FUT8: variants seen among roughly 807,000 people sequenced by gnomAD.
FUT8 encodes the protein alpha-(1,6)-fucosyltransferase.
A neutral mutation model predicts 71.3 loss-of-function variants in FUT8; 29 were observed. The ratio of observed to expected loss-of-function variants is 0.41; its 90% CI spans 0.30 to 0.55. FUT8 has a LOEUF of 0.55. Ranked by LOEUF, FUT8 falls within the 20% of genes least tolerant of loss-of-function variation. FUT8 has a pLI of 0.34. For missense variants in FUT8, 544 were observed against 702.1 expected (o/e 0.77, Z 2.55); for synonymous variants, 254 against 239.3 (o/e 1.06, Z -0.57).
rs1187235038 is a variant in FUT8, at chr14:65,489,080, T to A, written c.-228+33362T>A. On this transcript the variant is annotated intron_variant, in intron 2 of 10. Coordinates refer to ENST00000673929, the MANE Select transcript of FUT8 (RefSeq NM_001371533.1). This position sits in a 1 kb window ranked among gnomAD's most constrained non-coding sequence, Gnocchi z 4.0. ...AATATTTTAGTATTGTCATGTAGTA[T>A]TAAGTATTTTTCCATCAATGATTAG... Among the ~76,000 whole-genome samples the A allele has an allele frequency of 6.6e-6, 1 of 152,218 alleles. No individual in the cohort carries two copies. The highest frequency in any genetic ancestry group is 1.5e-5 in the Non-Finnish European group (1 of 68,030).
chr14:65,641,224 T>C (rs541320489), intron 6 of FUT8, among the ~76,000 whole-genome samples: 1 of 152,342 alleles, frequency 6.6e-6, no homozygotes, highest in Admixed American at 6.5e-5. Flanking sequence ...TCTATCATTA[T>C]AGATGAGTTT....
chr14:65,670,344 G>C (rs997086962), intron 7 of FUT8, among the ~76,000 whole-genome samples: 1 of 152,058 alleles, frequency 6.6e-6, no homozygotes, highest in Admixed American at 6.6e-5. Flanking sequence ...AAAATGAAGA[G>C]TAATCACTTT....
the FUT8 span, among the ~76,000 whole-genome samples, chr14:65,373,984 C>T: frequency 6.6e-6 from 1 of 152,176 alleles, no homozygotes; most frequent in African/African-American, 2.4e-5. Flanking sequence ...GGTTTTTATA[C>T]GAAGTTTCAA....
rs780914789 is a variant in FUT8, at chr14:65,618,672, A to G, written c.482+2299A>G. Among the ~76,000 whole-genome samples, 35 of 152,208 alleles carry G rather than the reference A, an allele frequency of 2.3e-4. 1 individual carries two copies. The highest frequency in any genetic ancestry group is 5.2e-4 in the Admixed American group (8 of 15,288). ...TACCCTTTTACTGACCATTTTCAAG[A>G]TCCTTAAGTATAAGAATTAAAATCA... On this transcript the variant is annotated intron_variant, in intron 5 of 10. Coordinates refer to ENST00000673929, the MANE Select transcript of FUT8 (RefSeq NM_001371533.1).
intron 2 of FUT8, among the ~76,000 whole-genome samples, chr14:65,527,286 C>G (rs546428963): frequency 2.9e-4 from 44 of 152,094 alleles, no homozygotes; most frequent in Non-Finnish European, 5.1e-4. Flanking sequence ...TTTGTCTAAA[C>G]TTCTCTTCTC....
chr14:65,471,025 C>T (rs187858732), intron 2 of FUT8: 1 of 442,628 alleles, frequency 2.3e-6, no homozygotes, highest in Non-Finnish European at 4.5e-6. Flanking sequence ...GTAAAGAATC[C>T]TTAAATGGGG....
intron 2 of FUT8, among the ~76,000 whole-genome samples, chr14:65,462,547 A>G (rs1260882562): frequency 2.0e-5 from 3 of 152,222 alleles, no homozygotes; most frequent in Non-Finnish European, 4.4e-5. Flanking sequence ...GAATGGTAAT[A>G]GTACTGTGAG....
At chr14:65,608,621 G>C (rs1220656831) in intron 3 of FUT8, among the ~76,000 whole-genome samples, 1 of 151,922 alleles carries the variant, frequency 6.6e-6, no homozygotes, top group Non-Finnish European at 1.5e-5. Flanking sequence ...TTTTATTTGG[G>C]AGAATAATTT....
chr14:65,537,686 C>T (rs899290736), intron 2 of FUT8, among the ~76,000 whole-genome samples: 1 of 152,088 alleles, frequency 6.6e-6, no homozygotes, highest in Admixed American at 6.5e-5. Flanking sequence ...TGCACCTGGC[C>T]GAGTTGTTGG....
chr14:65,600,556 A>T (rs1888239806), intron 3 of FUT8, among the ~76,000 whole-genome samples: 1 of 152,160 alleles, frequency 6.6e-6, no homozygotes, highest in African/African-American at 2.4e-5. Flanking sequence ...TTAAGAGATG[A>T]TGATGTCTCC....
intron 1 of FUT8, among the ~76,000 whole-genome samples, chr14:65,414,760 A>G (rs1252848797): frequency 6.6e-6 from 1 of 152,250 alleles, no homozygotes; most frequent in Non-Finnish European, 1.5e-5. Context: ...TTTGAATTCA[A>G]GAGCTGAACA....
At position 65,439,963 on chromosome 14, in the gene FUT8, T is replaced by C. The variant is rs1264181014; in HGVS notation, c.-325-15658T>C. ...ATGTGTGTGTGTGTGTGTATATATATATATATATATATATATATATATATA... is the reference window on the plus strand; with the variant it reads ...ATGTGTGTGTGTGTGTGTATATATACATATATATATATATATATATATATA... On this transcript the variant is annotated intron_variant, in intron 1 of 10. Coordinates refer to ENST00000673929, the MANE Select transcript of FUT8 (RefSeq NM_001371533.1). 4.7e-4 allele frequency among the ~76,000 whole-genome samples: 57 copies of C among 121,358 alleles called. 3 individuals are homozygous for C. Among genetic ancestry groups the C allele is most frequent in the Non-Finnish European group, 6.9e-4 (39 of 56,362 alleles). The allele number at this position is 121,358 out of a possible 152,430, so 79.6% of individuals were successfully genotyped here.
At chr14:65,561,837 C>A (rs1054792837) in intron 3 of FUT8, 71 bp downstream of exon 3, 8 of 1,228,270 alleles carry the variant, frequency 6.5e-6, no homozygotes, top group South Asian at 1.3e-5. Context: ...GGCTTCATTC[C>A]GCTAGGAAAA....
intron 6 of FUT8, among the ~76,000 whole-genome samples, chr14:65,654,983 C>T (rs1891599932): frequency 6.6e-6 from 1 of 151,754 alleles, no homozygotes; most frequent in African/African-American, 2.4e-5. Flanking sequence ...GAACTCTGAC[C>T]TCAGGTGATC....
At chr14:65,675,405 A>G (rs1190640866) in intron 7 of FUT8, among the ~76,000 whole-genome samples, 3 of 152,218 alleles carry the variant, frequency 2.0e-5, no homozygotes, top group Non-Finnish European at 1.5e-5. Flanking sequence ...AAGCTAAATC[A>G]TTTTCAAATA....
chr14:65,668,699 A>T (rs1473754808), intron 6 of FUT8, among the ~76,000 whole-genome samples: 1 of 152,208 alleles, frequency 6.6e-6, no homozygotes, highest in African/African-American at 2.4e-5. Flanking sequence ...AAGGAATATA[A>T]ATCATTCTGC....
At chr14:65,717,332 A>G (rs1895152822) in intron 7 of FUT8, among the ~76,000 whole-genome samples, 1 of 129,964 alleles carries the variant, frequency 7.7e-6, no homozygotes, top group African/African-American at 3.0e-5. Context: ...CACCTCCCAG[A>G]CAGGGCAGCC....
chr14:65,516,779 T>C (rs536476196), intron 2 of FUT8, among the ~76,000 whole-genome samples: 1 of 152,140 alleles, frequency 6.6e-6, no homozygotes, highest in South Asian at 2.1e-4. Context: ...CATTTTTAAG[T>C]ATACAGTTCA....
intron 1 of FUT8, among the ~76,000 whole-genome samples, chr14:65,449,449 G>T (rs1162896354): frequency 1.3e-5 from 2 of 152,150 alleles, no homozygotes; most frequent in African/African-American, 4.8e-5. Context: ...AAAACAGAAA[G>T]AATGCGGCTT....
Sources: allele counts gnomAD v4.1 joint callset (sites outside exome capture counted in the v4.1 genomes callset), GRCh38; gene constraint gnomAD v4.1.1; non-coding constraint Gnocchi (gnomAD v3.1); transcripts MANE v1.5; gene names NCBI Gene and HGNC (gene_info 2026-07-23, HGNC 2026-07-21).